The following AGTPBP1 variants were observed in gnomAD, a reference collection of about 807,000 sequenced individuals.
The protein encoded by AGTPBP1 is cytosolic carboxypeptidase 1.
A neutral mutation model predicts 143.9 loss-of-function variants in AGTPBP1; 70 were observed. The observed-to-expected ratio is 0.49, with a 90% CI of 0.40 to 0.59. The LOEUF is 0.59. AGTPBP1 is among the 20% of genes least tolerant of loss of function. AGTPBP1 has a pLI of 0.00. For missense variants in AGTPBP1, 1,229 were observed against 1,464.5 expected, an observed-to-expected ratio of 0.84 and a Z score of 2.62; for synonymous variants, 463 against 500.2, an observed-to-expected ratio of 0.93 and a Z score of 0.99.
intron 13 of AGTPBP1, among the ~76,000 whole-genome samples, chr9:85,634,853 C>A (rs1195426376): frequency 1.3e-5 from 2 of 152,146 alleles, no homozygotes; most frequent in African/African-American, 4.8e-5. Context: ...ACACCAAACT[C>A]TCCAAAAACA....
chr9:85,633,422 CAT>C, intron 13 of AGTPBP1, 48 bp from the exon 14 acceptor site: 1 of 1,360,896 alleles, frequency 7.3e-7, no homozygotes, highest in African/African-American at 1.5e-5. Flanking sequence ...AATATTAAAA[CAT>C]ATTAACAAAA....
At chr9:85,678,889 A>G (rs376372789) in intron 4 of AGTPBP1, among the ~76,000 whole-genome samples, 1 of 152,206 alleles carries the variant, frequency 6.6e-6, no homozygotes, top group African/African-American at 2.4e-5. Context: ...TTGCACCTTG[A>G]TATTTTACAT....
intron 8 of AGTPBP1, among the ~76,000 whole-genome samples, chr9:85,668,967 A>ATG (rs539493558): frequency 0.028 from 3,230 of 114,242 alleles, 59 homozygotes; most frequent in Non-Finnish European, 0.038. Flanking sequence ...ACATACATAC[A>ATG]TGTGTGTGTG....
intron 25 of AGTPBP1, chr9:85,554,232 G>A (rs1037728232): frequency 6.6e-6 from 1 of 152,262 alleles, no homozygotes; most frequent in Non-Finnish European, 1.5e-5. Flanking sequence ...CAATTTCAAA[G>A]GATTGGAGGC....
chr9:85,560,699 C>T (rs753688799), intron 25 of AGTPBP1, among the ~76,000 whole-genome samples: 7 of 151,972 alleles, frequency 4.6e-5, no homozygotes, highest in Non-Finnish European at 8.8e-5. Flanking sequence ...AGATAACACC[C>T]AGTTAAAGAA....
At chr9:85,768,208 T>G in the AGTPBP1 span, among the ~76,000 whole-genome samples, 2 of 152,254 alleles carry the variant, frequency 1.3e-5, no homozygotes, top group African/African-American at 4.8e-5. Context: ...ATCTCAGTAC[T>G]TCCTTAACTT....
At chr9:85,794,678 A>G in the AGTPBP1 span, among the ~76,000 whole-genome samples, 1 of 152,122 alleles carries the variant, frequency 6.6e-6, no homozygotes, top group Admixed American at 6.6e-5. Flanking sequence ...CCATTTCTAC[A>G]AAGAGGGAGA....
At chr9:85,572,219 G>A (rs1410836671) in intron 25 of AGTPBP1, among the ~76,000 whole-genome samples, 1 of 151,816 alleles carries the variant, frequency 6.6e-6, no homozygotes, top group African/African-American at 2.4e-5. Flanking sequence ...GTAGAGACAG[G>A]GTTTCGCCAT....
At chr9:85,608,846 G>A (rs1347209922) in intron 17 of AGTPBP1, among the ~76,000 whole-genome samples, 4 of 151,844 alleles carry the variant, frequency 2.6e-5, no homozygotes, top group Admixed American at 6.6e-5. Flanking sequence ...AAACAGGGAG[G>A]GAACCCACGC....
At chr9:85,604,266 C>T (rs967162989) in intron 17 of AGTPBP1, among the ~76,000 whole-genome samples, 3 of 152,196 alleles carry the variant, frequency 2.0e-5, no homozygotes, top group Non-Finnish European at 4.4e-5. Context: ...GGCAACTCAG[C>T]ACAGAGAGAC....
upstream of AGTPBP1, among the ~76,000 whole-genome samples, chr9:85,746,577 C>A (rs1285623586): frequency 6.6e-6 from 1 of 151,902 alleles, no homozygotes; most frequent in African/African-American, 2.4e-5. Flanking sequence ...TACAGTAAAC[C>A]GTAATCACAC....
chr9:85,547,556 C>T (rs1825802373), intron 25 of AGTPBP1, among the ~76,000 whole-genome samples: 1 of 152,134 alleles, frequency 6.6e-6, no homozygotes, highest in Non-Finnish European at 1.5e-5. Context: ...AAACAGTGAA[C>T]TCTCTCATCA....
chr9:85,649,131 A>C (rs1832992915), intron 11 of AGTPBP1, among the ~76,000 whole-genome samples: 1 of 152,192 alleles, frequency 6.6e-6, no homozygotes, highest in Non-Finnish European at 1.5e-5. Flanking sequence ...CAAAATTCTT[A>C]CTGATTTTCA....
chr9:85,550,658 T>TC (rs1346129054), intron 25 of AGTPBP1, among the ~76,000 whole-genome samples: 1 of 152,086 alleles, frequency 6.6e-6, no homozygotes, highest in African/African-American at 2.4e-5. Flanking sequence ...CCAGATATAG[T>TC]CCCATGACCG....
chr9:85,765,259 T>C, the AGTPBP1 span: 4 of 227,196 alleles, frequency 1.8e-5, no homozygotes, highest in Non-Finnish European at 2.6e-5. Flanking sequence ...GGGACTCTAC[T>C]GGAGGGCACC....
At chr9:85,592,458 A>T (rs1193569757) in intron 19 of AGTPBP1, 102 bp downstream of exon 19, 1 of 788,608 alleles carries the variant, frequency 1.3e-6, no homozygotes, top group African/African-American at 1.8e-5. Context: ...AACTAAACTC[A>T]ATTATTATCA....
chr9:85,783,108 T>C, the AGTPBP1 span, among the ~76,000 whole-genome samples: 10 of 152,286 alleles, frequency 6.6e-5, no homozygotes, highest in East Asian at 1.9e-3. Flanking sequence ...TATACAGGTT[T>C]AAGAACTCTG....
At chr9:85,556,457 C>T (rs1431038755) in intron 25 of AGTPBP1, among the ~76,000 whole-genome samples, 3 of 151,898 alleles carry the variant, frequency 2.0e-5, no homozygotes, top group Non-Finnish European at 2.9e-5. Context: ...CAATAGAAAA[C>T]AAATACAGTA....
chr9:85,692,880 C>T lies in AGTPBP1; in HGVS notation c.33-67G>A. 3.9e-6 allele frequency: 6 copies of T among 1,539,104 alleles called. 1 individual carries two copies. In the South Asian group the frequency reaches 7.1e-5, roughly 18 times the overall value. ...GGTGTAAATTCAATACTATAACGAT[C>T]ACTGTTTAAAAAACAATTCTACTCT... On this transcript the variant is annotated intron_variant, in intron 2 of 25. Transcript: ENST00000357081.
Sources: gnomAD v4.1 joint callset for allele counts (sites outside exome capture counted in the v4.1 genomes callset) on GRCh38, gnomAD v4.1.1 for gene constraint, MANE v1.5 for transcripts, NCBI Gene and HGNC (gene_info 2026-07-23, HGNC 2026-07-21) for gene names.